Variants in ARHGAP32 observed in about 807,000 individuals in gnomAD.
ARHGAP32 encodes Rho GTPase activating protein 32, also known as rho GTPase-activating protein 32.
In ARHGAP32, 51 loss-of-function variants were observed where a neutral mutation model predicts 186.5. That is an observed-to-expected ratio of 0.27 (90% CI 0.22 to 0.35). The LOEUF (loss-of-function observed/expected upper bound fraction) is 0.35, where lower values mean the gene tolerates loss of function less well. Among genes scored for constraint, ARHGAP32 ranks in the 10% least tolerant of loss-of-function variants. The pLI, the probability that ARHGAP32 is intolerant of heterozygous loss-of-function variation, is 1.00. For missense variants in ARHGAP32, 2,186 were observed against 2,623.5 expected (o/e 0.83, Z 3.64); for synonymous variants, 950 against 964.3 (o/e 0.99, Z 0.27).
intron 6 of ARHGAP32, among the ~76,000 whole-genome samples, chr11:129,067,875 T>C (rs1005902560): frequency 6.6e-6 from 1 of 152,006 alleles, no homozygotes; most frequent in Admixed American, 6.6e-5. Context: ...AAAATTAACA[T>C]GATAAACTTG....
In ARHGAP32 at chr11:129,168,361, G is replaced by A. The variant is rs556476738; in HGVS notation, c.117-3934C>T. 1.4e-4 allele frequency among the ~76,000 whole-genome samples: 22 copies of A among 152,288 alleles called. No homozygotes were observed. In the South Asian group the frequency reaches 2.1e-3, roughly 14 times the overall value. On this transcript the variant is annotated intron_variant, in intron 1 of 22. Transcript: ENST00000682385. Reference sequence around the variant, plus strand: ...ACCATGTAAACACTAGCCAAAGAAGGCTAGCGTAGCTATATTACATCAGGC... The same window carrying A: ...ACCATGTAAACACTAGCCAAAGAAGACTAGCGTAGCTATATTACATCAGGC...
intron 6 of ARHGAP32, among the ~76,000 whole-genome samples, chr11:129,085,425 A>G (rs1397943968): frequency 6.6e-6 from 1 of 152,220 alleles, no homozygotes; most frequent in Non-Finnish European, 1.5e-5. Context: ...TAACAGCTAT[A>G]TAAGGAAAAC....
At chr11:129,267,933 C>T (rs983769466) in intron 1 of ARHGAP32, among the ~76,000 whole-genome samples, 4 of 151,976 alleles carry the variant, frequency 2.6e-5, no homozygotes, top group African/African-American at 7.3e-5. Context: ...GGGGAACTAA[C>T]GGAGGGACAG....
At chr11:129,267,448 TA>T (rs1257547663) in intron 1 of ARHGAP32, among the ~76,000 whole-genome samples, 1 of 152,178 alleles carries the variant, frequency 6.6e-6, no homozygotes, top group Admixed American at 6.5e-5. Context: ...TTTTATTTGA[TA>T]AAGTCAGCAA....
chr11:129,052,318 T>C (rs1042634016), intron 10 of ARHGAP32, among the ~76,000 whole-genome samples: 7 of 152,236 alleles, frequency 4.6e-5, no homozygotes, highest in African/African-American at 1.7e-4. Context: ...AGCTTTGTAG[T>C]AAATCTTCAG....
intron 6 of ARHGAP32, among the ~76,000 whole-genome samples, chr11:129,086,101 C>G (rs1941385342): frequency 1.3e-5 from 2 of 150,680 alleles, no homozygotes; most frequent in African/African-American, 4.9e-5. Context: ...ATCAATGGAG[C>G]AGAATAGAGA....
At chr11:129,105,497 C>T (rs1942024171) in intron 5 of ARHGAP32, among the ~76,000 whole-genome samples, 1 of 152,096 alleles carries the variant, frequency 6.6e-6, no homozygotes, top group Non-Finnish European at 1.5e-5. Flanking sequence ...ATTTTTCACT[C>T]CTGGCATTCA....
chr11:129,122,759 C>CAGGA (rs1942564190), intron 5 of ARHGAP32, among the ~76,000 whole-genome samples: 1 of 152,020 alleles, frequency 6.6e-6, no homozygotes, highest in South Asian at 2.1e-4. Flanking sequence ...AGGGCAAGGA[C>CAGGA]AGGAAGTGGA....
At chr11:129,113,985 T>C (rs1188295739) in intron 5 of ARHGAP32, among the ~76,000 whole-genome samples, 1 of 152,118 alleles carries the variant, frequency 6.6e-6, no homozygotes, top group East Asian at 1.9e-4. Context: ...TTTGATTCTT[T>C]AGTCTCTCAT....
intron 1 of ARHGAP32, among the ~76,000 whole-genome samples, chr11:129,249,474 G>A (rs1435004575): frequency 6.6e-6 from 1 of 152,086 alleles, no homozygotes; most frequent in Non-Finnish European, 1.5e-5. Flanking sequence ...TACTTATAAA[G>A]ACAGATGCTA....
At chr11:129,262,419 T>C (rs1175731301) in intron 1 of ARHGAP32, among the ~76,000 whole-genome samples, 1 of 152,026 alleles carries the variant, frequency 6.6e-6, no homozygotes, top group African/African-American at 2.4e-5. Context: ...AGCCCTTGTC[T>C]GTCGCTCAGA....
intron 5 of ARHGAP32, among the ~76,000 whole-genome samples, chr11:129,098,427 T>C (rs1941794723): frequency 6.7e-6 from 1 of 150,124 alleles, no homozygotes; most frequent in Admixed American, 6.6e-5. Flanking sequence ...TCTTTTTTCT[T>C]TTTTTTTTTG....
chr11:129,267,512 A>G (rs1945419233), intron 1 of ARHGAP32, among the ~76,000 whole-genome samples: 1 of 150,606 alleles, frequency 6.6e-6, no homozygotes, highest in Admixed American at 6.7e-5. Context: ...GTATAGACAT[A>G]TGTTTCGAGA....
rs1383167055 is a variant in ARHGAP32, at chr11:129,164,224, T to C, written c.225+95A>G. 5 of 741,324 alleles carry C rather than the reference T, an allele frequency of 6.7e-6. No individual in the cohort carries two copies. In the East Asian group the frequency reaches 1.4e-4, roughly 20 times the overall value. The allele number at this position is 741,324 out of a possible 1,614,324, so 45.9% of individuals were successfully genotyped here. A position where few individuals can be genotyped will look rare whatever the true frequency, so the allele number is the denominator to read the frequency against. On this transcript the variant is annotated intron_variant, in intron 2 of 22. Coordinates refer to ENST00000682385, the MANE Select transcript of ARHGAP32 (RefSeq NM_001378024.1). ...TGAATAAATGAACAAAGCAACAAAA[T>C]TTTTTGTGTAATGTGTCCTCAGTTC... is the stretch of plus-strand genomic sequence containing the variant.
intron 11 of ARHGAP32, among the ~76,000 whole-genome samples, chr11:129,010,414 A>G (rs1016198634): frequency 1.3e-5 from 2 of 151,998 alleles, no homozygotes; most frequent in East Asian, 1.9e-4. Flanking sequence ...TCTAGGGTTT[A>G]TATAGTTTCG....
At chr11:129,032,999 T>C (rs1939177573) in intron 11 of ARHGAP32, among the ~76,000 whole-genome samples, 1 of 152,230 alleles carries the variant, frequency 6.6e-6, no homozygotes. Context: ...TCTTGAACTC[T>C]TAGGATTTTG....
At chr11:129,155,207 G>A (rs1943373049) in intron 2 of ARHGAP32, among the ~76,000 whole-genome samples, 1 of 152,130 alleles carries the variant, frequency 6.6e-6, no homozygotes, top group Admixed American at 6.5e-5. Context: ...ACTGCTACGT[G>A]GCACACTATA....
Position 128,976,610 on chromosome 11 carries a change from C to T in ARHGAP32, c.2147G>A (p.Arg716His), listed in dbSNP as rs149060649. 13 of 1,613,782 alleles carry T rather than the reference C, an allele frequency of 8.1e-6. No individual in the cohort carries two copies. The highest frequency in any genetic ancestry group is 2.7e-5 in the African/African-American group (2 of 74,884). ...LKGGRAEGTL[R>H]SAKSEESLTS... ...AAGAGACTCCTCACTTTTAGCTGAA[C>T]GGAGGGTTCCTTCTGCCCTGCCACC... Residue 716 changes from arginine to histidine, a missense_variant, in exon 20 of 23, where the codon CGT becomes CAT. Physicochemically the swap from Arg to His is conservative, Grantham distance 29. This residue lies in a region of ARHGAP32 where 263 missense variants were observed against 323.5 expected (regional missense o/e 0.81). Transcript: ENST00000682385.
At chr11:129,107,797 G>A (rs1782281162) in intron 5 of ARHGAP32, among the ~76,000 whole-genome samples, 1 of 151,334 alleles carries the variant, frequency 6.6e-6, no homozygotes, top group Admixed American at 6.6e-5. Flanking sequence ...GAACCCAGGA[G>A]GCGGAGGTTG....
Sources: gnomAD v4.1 joint callset for allele counts (sites outside exome capture counted in the v4.1 genomes callset) on GRCh38, gnomAD v4.1.1 for gene constraint, gnomAD v4.1.1 regional missense constraint, MANE v1.5 for transcripts, NCBI Gene and HGNC (gene_info 2026-07-23, HGNC 2026-07-21) for gene names.